Variants in CNTN5 observed in about 807,000 individuals in gnomAD.
The protein encoded by CNTN5 is contactin 5, also known as contactin-5.
In CNTN5, 77 loss-of-function variants were observed where a neutral mutation model predicts 129.1. That is an observed-to-expected ratio of 0.60 (90% CI 0.50 to 0.72). CNTN5 has a LOEUF of 0.72. CNTN5 is among the 30% of genes least tolerant of loss of function. CNTN5 has a pLI of 0.00. For missense variants in CNTN5, 1,478 were observed against 1,328.8 expected (o/e 1.11, Z -1.75); for synonymous variants, 509 against 465.6 (o/e 1.09, Z -1.20).
intron 3 of CNTN5, among the ~76,000 whole-genome samples, chr11:99,688,935 T>C (rs1437002378): frequency 6.6e-6 from 1 of 152,186 alleles, no homozygotes; most frequent in African/African-American, 2.4e-5. Context: ...AACAACATGA[T>C]CTCATTCCTT....
At chr11:99,159,738 A>G (rs1246447173) in intron 1 of CNTN5, among the ~76,000 whole-genome samples, 3 of 152,262 alleles carry the variant, frequency 2.0e-5, no homozygotes, top group African/African-American at 4.8e-5. Flanking sequence ...ATTCAATGGC[A>G]TAAGGGATAA....
intron 20 of CNTN5, among the ~76,000 whole-genome samples, chr11:100,299,988 C>T (rs889351617): frequency 9.2e-5 from 14 of 151,552 alleles, no homozygotes; most frequent in African/African-American, 3.4e-4. Flanking sequence ...GGTTACACTG[C>T]TTGTAACTGA....
chr11:100,196,410 C>T (rs1413608690), intron 15 of CNTN5, among the ~76,000 whole-genome samples: 1 of 151,980 alleles, frequency 6.6e-6, no homozygotes, highest in African/African-American at 2.4e-5. Context: ...CTTTTATACA[C>T]AGACATTAGC....
intron 6 of CNTN5, among the ~76,000 whole-genome samples, chr11:99,867,305 A>C (rs905805308): frequency 6.6e-6 from 1 of 152,232 alleles, no homozygotes; most frequent in South Asian, 2.1e-4. Flanking sequence ...AGTACCTACT[A>C]TGCGCCAGTA....
At chr11:99,882,273 C>T (rs1230943273) in intron 6 of CNTN5, among the ~76,000 whole-genome samples, 1 of 152,122 alleles carries the variant, frequency 6.6e-6, no homozygotes. Context: ...TGTTAAAAGA[C>T]TTATGGTTTT....
intron 1 of CNTN5, among the ~76,000 whole-genome samples, chr11:99,029,799 G>GT (rs749451206): frequency 1.3e-5 from 2 of 152,148 alleles, no homozygotes; most frequent in Non-Finnish European, 2.9e-5. Flanking sequence ...TTTCTTCTCA[G>GT]TTTTTCCCTT....
intron 3 of CNTN5, among the ~76,000 whole-genome samples, chr11:99,661,177 A>G (rs1952579741): frequency 6.6e-6 from 1 of 152,158 alleles, no homozygotes; most frequent in Non-Finnish European, 1.5e-5. Flanking sequence ...AAGGTCAAGC[A>G]CACAAATGGT....
intron 20 of CNTN5, among the ~76,000 whole-genome samples, chr11:100,306,544 C>T (rs965836371): frequency 1.4e-4 from 21 of 151,678 alleles, no homozygotes; most frequent in Admixed American, 3.9e-4. Context: ...AAAACTGCTA[C>T]GGAATAGCAA....
chr11:99,916,212 T>A, intron 7 of CNTN5, 63 bp downstream of exon 7: 1 of 1,294,828 alleles, frequency 7.7e-7, no homozygotes. Flanking sequence ...TTCATTCTTT[T>A]AGACAGTATA....
At chr11:99,121,135 C>A (rs12286243) in intron 1 of CNTN5, among the ~76,000 whole-genome samples, 3 of 125,218 alleles carry the variant, frequency 2.4e-5, no homozygotes, top group South Asian at 2.5e-4. Context: ...TTCTTTCTTT[C>A]TTTTTTTTTT....
At chr11:99,850,519 T>C (rs1947839785) in intron 6 of CNTN5, among the ~76,000 whole-genome samples, 1 of 152,166 alleles carries the variant, frequency 6.6e-6, no homozygotes, top group South Asian at 2.1e-4. Flanking sequence ...TATTCATTTG[T>C]CACCCAATAT....
At chr11:99,753,681 A>G (rs1427677602) in intron 3 of CNTN5, among the ~76,000 whole-genome samples, 1 of 132,270 alleles carries the variant, frequency 7.6e-6, no homozygotes, top group African/African-American at 2.7e-5. Context: ...AGGTAAAAAG[A>G]AATCACTTCC....
intron 13 of CNTN5, among the ~76,000 whole-genome samples, chr11:100,144,735 AT>A (rs35851910): frequency 0.066 from 9,888 of 148,720 alleles, 1,060 homozygotes; most frequent in African/African-American, 0.23. Flanking sequence ...GGAGTGAGGA[AT>A]TTTTTTTTTT....
chr11:100,005,145 G>A (rs532172525), intron 9 of CNTN5, among the ~76,000 whole-genome samples: 1 of 152,058 alleles, frequency 6.6e-6, no homozygotes, highest in Non-Finnish European at 1.5e-5. Context: ...ACAGCACCTG[G>A]CACATAGCAT....
At chr11:99,913,777 G>A (rs2136002884) in intron 6 of CNTN5, among the ~76,000 whole-genome samples, 1 of 152,192 alleles carries the variant, frequency 6.6e-6, no homozygotes. Context: ...ACAATAGGTT[G>A]ATTTGAAATG....
intron 3 of CNTN5, among the ~76,000 whole-genome samples, chr11:99,757,380 C>T (rs1034895029): frequency 6.6e-5 from 10 of 151,778 alleles, no homozygotes; most frequent in African/African-American, 2.4e-4. Flanking sequence ...GGAGCTCTTT[C>T]TGTGTAGCTC....
At chr11:99,505,973 C>A (rs1446151766) in intron 2 of CNTN5, among the ~76,000 whole-genome samples, 1 of 152,204 alleles carries the variant, frequency 6.6e-6, no homozygotes, top group African/African-American at 2.4e-5. Context: ...TTTCACTTTT[C>A]AAAGTCATAA....
rs147466583 is a variant in CNTN5 at position 99,080,050 on chromosome 11, A to G, written c.-210+58780A>G. Among the ~76,000 whole-genome samples, 594 of 152,288 alleles carry G rather than the reference A, an allele frequency of 3.9e-3. 3 individuals are homozygous for G. Among genetic ancestry groups the G allele is most frequent in the Middle Eastern group, 0.017 (5 of 294 alleles). On this transcript the variant is annotated intron_variant, in intron 1 of 24. Transcript: ENST00000524871. ...AAGCCTAACACATTATAGATACCCA[A>G]TAGGTGCAAAGTGAATAATTTTATT... is the stretch of plus-strand genomic sequence containing the variant.
chr11:100,093,724 T>G (rs1404344332), intron 13 of CNTN5, among the ~76,000 whole-genome samples: 1 of 152,110 alleles, frequency 6.6e-6, no homozygotes. Flanking sequence ...GCTCAACAGC[T>G]TTTGCCAAAG....
Sources: gnomAD v4.1 joint callset for allele counts (sites outside exome capture counted in the v4.1 genomes callset) on GRCh38, gnomAD v4.1.1 for gene constraint, MANE v1.5 for transcripts, NCBI Gene and HGNC (gene_info 2026-07-23, HGNC 2026-07-21) for gene names.